Variants in IP6K1 observed in about 807,000 individuals in gnomAD.
The protein encoded by IP6K1 is ATP:1D-myo-inositol-hexakisphosphate phosphotransferase.
IP6K1 carries 13 observed loss-of-function variants against 38.3 expected under a neutral mutation model. That is an observed-to-expected ratio of 0.34 (90% CI 0.22 to 0.54). The LOEUF (loss-of-function observed/expected upper bound fraction) is 0.54, where lower values mean the gene tolerates loss of function less well. Among genes scored for constraint, IP6K1 ranks in the 20% least tolerant of loss-of-function variants. The pLI, the probability that IP6K1 is intolerant of heterozygous loss-of-function variation, is 0.92. For synonymous variants in IP6K1, 212 were observed against 229.9 expected (o/e 0.92, Z 0.70); for missense variants, 397 against 599.8 (o/e 0.66, Z 3.53).
At chr3:49,743,325 C>A (rs1208577462) in intron 2 of IP6K1, among the ~76,000 whole-genome samples, 2 of 151,530 alleles carry the variant, frequency 1.3e-5, no homozygotes, top group East Asian at 3.9e-4. Flanking sequence ...GTGATCCCAG[C>A]TACTTGGGAG....
At chr3:49,768,814 G>T (rs1440023060) in intron 1 of IP6K1, among the ~76,000 whole-genome samples, 1 of 151,992 alleles carries the variant, frequency 6.6e-6, no homozygotes, top group Non-Finnish European at 1.5e-5. Context: ...GAGACAAAAA[G>T]ATTATTAAGA....
At chr3:49,753,523 T>C (rs886602649) in intron 1 of IP6K1, among the ~76,000 whole-genome samples, 2 of 152,200 alleles carry the variant, frequency 1.3e-5, no homozygotes, top group African/African-American at 4.8e-5. Context: ...TTATTTATGA[T>C]GATGATGTCA....
intron 1 of IP6K1, among the ~76,000 whole-genome samples, chr3:49,760,969 C>A (rs1338911868): frequency 6.6e-6 from 1 of 152,180 alleles, no homozygotes; most frequent in Non-Finnish European, 1.5e-5. Context: ...ATATGCTATA[C>A]TGATTCAGCT....
intron 1 of IP6K1, among the ~76,000 whole-genome samples, chr3:49,772,454 G>C (rs1336875246): frequency 6.6e-6 from 1 of 151,818 alleles, no homozygotes; most frequent in Non-Finnish European, 1.5e-5. Flanking sequence ...CCAGGCTAAA[G>C]TGCAGTGGCA....
chr3:49,736,464 T>G (rs1007435324), intron 3 of IP6K1, among the ~76,000 whole-genome samples: 1 of 152,172 alleles, frequency 6.6e-6, no homozygotes, highest in Non-Finnish European at 1.5e-5. Context: ...ATAAATGGCA[T>G]TGTACATATG....
intron 1 of IP6K1, among the ~76,000 whole-genome samples, chr3:49,781,729 A>C (rs527529603): frequency 3.3e-5 from 5 of 152,148 alleles, no homozygotes. Flanking sequence ...ATCTCATCCC[A>C]TAAGCCTGTA....
At chr3:49,773,529 T>C (rs1451445086) in intron 1 of IP6K1, among the ~76,000 whole-genome samples, 1 of 152,140 alleles carries the variant, frequency 6.6e-6, no homozygotes, top group African/African-American at 2.4e-5. Context: ...GAGAATGGCA[T>C]GACCCTGGGA....
At chr3:49,778,575 G>A (rs2081038728) in intron 1 of IP6K1, among the ~76,000 whole-genome samples, 1 of 152,140 alleles carries the variant, frequency 6.6e-6, no homozygotes, top group Non-Finnish European at 1.5e-5. Context: ...AGAGGTTGTA[G>A]TGAGCCGAGA....
At chr3:49,733,707 T>G (rs545022033) in intron 3 of IP6K1, among the ~76,000 whole-genome samples, 13 of 152,326 alleles carry the variant, frequency 8.5e-5, no homozygotes, top group Admixed American at 4.6e-4. Flanking sequence ...GCAAATCCAT[T>G]AAGACAGAAA....
chr3:49,743,683 G>A (rs1330817586), intron 2 of IP6K1, among the ~76,000 whole-genome samples: 1 of 148,666 alleles, frequency 6.7e-6, no homozygotes, highest in Non-Finnish European at 1.5e-5. Flanking sequence ...GCAATGGCGT[G>A]GTCTCTGCTC....
rs147499631 is a variant in IP6K1 at position 49,727,523 on chromosome 3, C to G, written c.925G>C (p.Glu309Gln). The G allele has an allele frequency of 6.2e-6, 10 of 1,614,094 alleles. No homozygotes were observed. In the African/African-American group the frequency reaches 1.2e-4, roughly 19 times the overall value. Reference sequence around the variant, plus strand: ...CCCCGCAGTTTGCTCAGGATAGGCTCAAACAGGTCACGTCGCAGGTCCAGG... The same window carrying G: ...CCCCGCAGTTTGCTCAGGATAGGCTGAAACAGGTCACGTCGCAGGTCCAGG... ...NGLDLRRDLF[E>Q]PILSKLRGLK... is the part of the protein sequence containing the mutation. The change falls in exon 6 of 6, where the codon GAG becomes CAG. Residue 309 changes from glutamate (E) to glutamine (Q), a missense_variant. Transcript: ENST00000321599. This position sits in a 1 kb window ranked among gnomAD's most constrained non-coding sequence, Gnocchi z 5.9.
intron 1 of IP6K1, among the ~76,000 whole-genome samples, chr3:49,767,726 T>A (rs1448016822): frequency 6.6e-6 from 1 of 152,130 alleles, no homozygotes; most frequent in Non-Finnish European, 1.5e-5. Context: ...AGCAATATAG[T>A]GAGATCCCAT....
chr3:49,757,970 C>T (rs2080838798), intron 1 of IP6K1, among the ~76,000 whole-genome samples: 1 of 152,134 alleles, frequency 6.6e-6, no homozygotes, highest in African/African-American at 2.4e-5. Flanking sequence ...ACAGCATTGA[C>T]CTTTTTAGAT....
intron 1 of IP6K1, among the ~76,000 whole-genome samples, chr3:49,753,014 G>A (rs2080792247): frequency 6.6e-6 from 1 of 150,936 alleles, no homozygotes; most frequent in Non-Finnish European, 1.5e-5. Context: ...GCCTGCCTCA[G>A]CCTCCCAAAG....
At chr3:49,735,513 AGGG>A (rs2080601614) in intron 3 of IP6K1, among the ~76,000 whole-genome samples, 1 of 152,212 alleles carries the variant, frequency 6.6e-6, no homozygotes, top group South Asian at 2.1e-4. Flanking sequence ...TGGGGAGTGA[AGGG>A]GAAGCACTAG....
intron 1 of IP6K1, among the ~76,000 whole-genome samples, chr3:49,760,561 T>C (rs907719516): frequency 3.4e-5 from 5 of 148,060 alleles, no homozygotes; most frequent in African/African-American, 1.3e-4. Flanking sequence ...GAGGCAGAGG[T>C]TGCAGTGAGC....
intron 1 of IP6K1, among the ~76,000 whole-genome samples, chr3:49,759,419 A>G (rs1331396298): frequency 6.6e-6 from 1 of 152,174 alleles, no homozygotes; most frequent in East Asian, 1.9e-4. Context: ...ACATATGGCC[A>G]GGGACCAGCT....
rs186579029 is a variant in IP6K1, at chr3:49,734,571, G to A, written c.435-1599C>T. Among the ~76,000 whole-genome samples, 441 of 127,224 alleles carry A rather than the reference G, an allele frequency of 3.5e-3. 2 individuals are homozygous for A. The highest frequency in any genetic ancestry group is 6.7e-3 in the Non-Finnish European group (367 of 54,556). 83.5% of individuals were successfully genotyped at this position (127,224 alleles called of 152,430 possible). A position where few individuals can be genotyped will look rare whatever the true frequency, so the allele number is the denominator to read the frequency against. The stretch of plus-strand genomic sequence containing the variant: ...CTGGAAATGCTAACCCTCTCCAAGG[G>A]TCAGCTGTGCAACACTGGTGAAGAG... On this transcript the variant is annotated intron_variant, in intron 3 of 5. Transcript: ENST00000321599.
chr3:49,762,724 CAGAAAGAGAG>C (rs1015222264), intron 1 of IP6K1, among the ~76,000 whole-genome samples: 7 of 151,294 alleles, frequency 4.6e-5, no homozygotes, highest in African/African-American at 7.3e-5. Flanking sequence ...TTTCAGAAAA[CAGAAAGAGAG>C]AGAAAGAGAG....
Sources: gnomAD v4.1 joint callset for allele counts (sites outside exome capture counted in the v4.1 genomes callset) on GRCh38, gnomAD v4.1.1 for gene constraint, Gnocchi (gnomAD v3.1) non-coding constraint, MANE v1.5 for transcripts, NCBI Gene and HGNC (gene_info 2026-07-23, HGNC 2026-07-21) for gene names.